Variants in ANKAR observed in about 807,000 individuals in gnomAD.
The protein encoded by ANKAR is ankyrin and armadillo repeat-containing protein.
In ANKAR, 136 loss-of-function variants were observed where a neutral mutation model predicts 146.2. The observed-to-expected ratio is 0.93, with a 90% CI of 0.81 to 1.07. The LOEUF (loss-of-function observed/expected upper bound fraction) is 1.07. ANKAR is among the 50% of genes least tolerant of loss of function. The probability of loss-of-function intolerance (pLI) is 0.00; values close to 1 mark genes in which losing one functional copy is unlikely to be tolerated. For missense variants in ANKAR, 1,567 were observed against 1,679.9 expected (o/e 0.93, Z 1.18); for synonymous variants, 500 against 575.8 (o/e 0.87, Z 1.88).
intron 22 of ANKAR, among the ~76,000 whole-genome samples, chr2:189,746,070 A>G (rs2254144): frequency 0.98 from 149,457 of 152,292 alleles, 73,397 homozygotes; most frequent in East Asian, 1. Flanking sequence ...ATTTCATTCA[A>G]TATCAAGTCC....
At chr2:189,762,917 T>TC (rs557161688), downstream of ANKAR, 107 of 985,208 alleles carry the variant, frequency 1.1e-4, 1 homozygote, top group African/African-American at 1.7e-3. Flanking sequence ...CACCTGCATT[T>TC]CCCCCAGATT....
intron 2 of ANKAR, among the ~76,000 whole-genome samples, chr2:189,683,747 G>A (rs1157641084): frequency 2.0e-5 from 3 of 152,158 alleles, no homozygotes; most frequent in African/African-American, 7.2e-5. Context: ...CTCCTCTGTT[G>A]GCATGACTGG....
At position 189,694,986 on chromosome 2, in the gene ANKAR, A is replaced by G. The variant is rs115747871; in HGVS notation, c.1313A>G (p.Tyr438Cys). Reference sequence around the variant, plus strand: ...TTTTTCTTTATTTTTTATAGCTACTATGTGATCTATTTTGAACTAGAAACT... The same window carrying G: ...TTTTTCTTTATTTTTTATAGCTACTGTGTGATCTATTTTGAACTAGAAACT... ...PVMEFHGKSY[Y>C]VIYFELETFY... The change falls in exon 6 of 23, where the codon TAT (tyrosine) becomes TGT (cysteine). Residue 438 changes from tyrosine (Y) to cysteine (C), a missense_variant. Physicochemically the swap from Tyr to Cys is radical, Grantham distance 194. Coordinates refer to ENST00000684021, the MANE Select transcript of ANKAR (RefSeq NM_001378068.1). 1.3e-6 allele frequency: 2 copies of G among 1,500,868 alleles called. No homozygotes were observed. The highest frequency in any genetic ancestry group is 2.3e-5 in the East Asian group (1 of 43,846). The allele number at this position is 1,500,868 out of a possible 1,614,324, so 93.0% of individuals were successfully genotyped here.
Position 189,733,217 on chromosome 2 carries a change from C to A in ANKAR, c.3411C>A (p.His1137Gln). 1 of 1,604,056 alleles carries A rather than the reference C, an allele frequency of 6.2e-7. No homozygotes were observed. Among genetic ancestry groups the A allele is most frequent in the Non-Finnish European group, 8.5e-7 (1 of 1,176,198 alleles). ...ATGCTGATGTCCTTTATCTTCTTCA[C>A]TCAACAGAAAAGGTAATACCTTTAC... ...FEYADVLYLL[H>Q]STEKDICLRA... is the part of the protein sequence containing the mutation. The change falls in exon 17 of 23, where the codon CAC becomes CAA. Residue 1137 changes from histidine to glutamine, a missense_variant. By Grantham distance (24) the His-to-Gln change is conservative. Coordinates refer to ENST00000684021, the MANE Select transcript of ANKAR (RefSeq NM_001378068.1).
At position 189,728,385 on chromosome 2, in the gene ANKAR, T is replaced by C. The variant is rs142929958; in HGVS notation, c.2996T>C (p.Met999Thr). 12 of 1,605,630 alleles carry C rather than the reference T, an allele frequency of 7.5e-6. No individual in the cohort carries two copies. The highest frequency in any genetic ancestry group is 2.2e-5 in the East Asian group (1 of 44,844). ...ATTGGATACAGCTTTATAATAAATA[T>C]GCTTTTGTCACCATCAGCTAAAATG... ...EQIGYSFIIN[M>T]LLSPSAKMQY... The change falls in exon 14 of 23, where the codon ATG becomes ACG. Residue 999 changes from methionine to threonine, a missense_variant. Coordinates refer to ENST00000684021, the MANE Select transcript of ANKAR (RefSeq NM_001378068.1).
chr2:189,753,552 G>A (rs2045621079), intron 18 of ANKAR, among the ~76,000 whole-genome samples: 2 of 151,884 alleles, frequency 1.3e-5, no homozygotes, highest in Admixed American at 1.3e-4. Flanking sequence ...AAATTTGACT[G>A]GCTTATTAAA....
At chr2:189,733,031 A>G in intron 16 of ANKAR, 76 bp from the exon 17 acceptor site, 5 of 1,405,264 alleles carry the variant, frequency 3.6e-6, no homozygotes, top group Non-Finnish European at 4.8e-6. Flanking sequence ...TGTATTCTAT[A>G]TAAATGCCTG....
intron 18 of ANKAR, chr2:189,755,548 A>G: frequency 6.3e-7 from 1 of 1,592,298 alleles, no homozygotes; most frequent in South Asian, 1.2e-5. Context: ...CTGGAGGAAC[A>G]ATCCCACCTG....
Position 189,720,691 on chromosome 2 carries a change from A to G in ANKAR, c.2539A>G (p.Ile847Val), listed in dbSNP as rs2041138113. ...TGTGCTAGTAAATGTAATGAACTGT[A>G]TACGGGTATTGTGTATAGGAAATGA... The part of the protein sequence containing the change: ...ENVLVNVMNC[I>V]RVLCIGNENN... Residue 847 changes from isoleucine to valine, a missense_variant, in exon 12 of 23, where the codon ATA becomes GTA. Transcript: ENST00000684021. 6.6e-7 allele frequency: 1 copy of G among 1,507,150 alleles called. No individual in the cohort carries two copies. The highest frequency in any genetic ancestry group is 8.9e-7 in the Non-Finnish European group (1 of 1,129,808). 93.4% of individuals were successfully genotyped at this position (1,507,150 alleles called of 1,614,324 possible). A position where few individuals can be genotyped will look rare whatever the true frequency, so the allele number is the denominator to read the frequency against.
At chr2:189,763,049 T>C (rs2047352261), downstream of ANKAR, 2 of 983,964 alleles carry the variant, frequency 2.0e-6, no homozygotes, top group African/African-American at 1.8e-5. Flanking sequence ...AAAAAGAAAT[T>C]TTTTTTTTGC....
In ANKAR at chr2:189,695,191, A is replaced by G. The variant is rs995129929; in HGVS notation, c.1488+30A>G. On this transcript the variant is annotated intron_variant, in intron 6 of 22. Transcript: ENST00000684021. ...TTCAGTGACTACCACATAATTTAGT[A>G]TATGAAGTTATGTATTATTGATAAG... 3.3e-6 allele frequency: 5 copies of G among 1,516,660 alleles called. No homozygotes were observed. The African/African-American group carries it at 4.1e-5, about 13-fold the overall frequency. The allele number at this position is 1,516,660 out of a possible 1,614,324, so 94.0% of individuals were successfully genotyped here.
At chr2:189,759,541 C>T (rs975503168) in intron 18 of ANKAR, among the ~76,000 whole-genome samples, 2 of 152,148 alleles carry the variant, frequency 1.3e-5, no homozygotes, top group African/African-American at 2.4e-5. Flanking sequence ...TGAGCCACAG[C>T]GCCCAGCCAA....
downstream of ANKAR, among the ~76,000 whole-genome samples, chr2:189,762,014 A>G (rs547620935): frequency 6.6e-6 from 1 of 152,208 alleles, no homozygotes; most frequent in Non-Finnish European, 1.5e-5. Context: ...GATTTTCTAA[A>G]AAGAATCAAA....
chr2:189,693,200 T>G (rs1459117535), intron 5 of ANKAR, 23 bp downstream of exon 5: 1 of 1,422,422 alleles, frequency 7.0e-7, no homozygotes, highest in African/African-American at 1.5e-5. Flanking sequence ...CACTAATTAC[T>G]GACATTAACT....
At chr2:189,750,603 A>C, downstream of ANKAR, 1 of 1,589,322 alleles carries the variant, frequency 6.3e-7, no homozygotes, top group Non-Finnish European at 8.6e-7. Context: ...TAATTGTGGT[A>C]CTTTTATGGA....
In ANKAR at chr2:189,746,470, TCAAAG is replaced by T. The variant is rs1437365718; in HGVS notation, c.4152_4156del (p.Lys1384AsnfsTer9). On this transcript the variant is annotated frameshift_variant, in exon 23 of 23. Coordinates refer to ENST00000684021, the MANE Select transcript of ANKAR (RefSeq NM_001378068.1). LOFTEE classifies it high-confidence loss of function. ...CCTGTAACTAACTTCATGGGACTCT[TCAAAG>T]CAACAAAAAAGACCAAGGATTCCCA... The T allele has an allele frequency of 6.2e-7, 1 of 1,613,786 alleles. No individual in the cohort carries two copies. Among genetic ancestry groups the T allele is most frequent in the Non-Finnish European group, 8.5e-7 (1 of 1,179,890 alleles).
At chr2:189,755,594 A>G in intron 18 of ANKAR, 1 of 1,566,858 alleles carries the variant, frequency 6.4e-7, no homozygotes, top group Admixed American at 2.3e-5. Flanking sequence ...TTGTAGTTTT[A>G]AGATTGTAAA....
chr2:189,746,567 G>A lies in ANKAR; in HGVS notation c.4245G>A (p.Val1415=), dbSNP rs1245816687. The part of the protein sequence containing the change: ...DITNVSRPRI[V]CLNQLGKHVQ... The stretch of plus-strand genomic sequence containing the variant: ...CAAATGTATCAAGACCAAGAATAGT[G>A]TGTTTGAACCAACTTGGGAAACATG... Residue 1415 remains valine (V), a synonymous_variant, in exon 23 of 23, where the codon GTG becomes GTA. Transcript: ENST00000684021. The A allele has an allele frequency of 6.2e-7, 1 of 1,613,570 alleles. No homozygotes were observed. Among genetic ancestry groups the A allele is most frequent in the East Asian group, 2.2e-5 (1 of 44,838 alleles).
In ANKAR at chr2:189,743,491, G is replaced by A. The variant is rs751380039; in HGVS notation, c.4010+17G>A. ...TTCCTTAAGGTATGGTCCTATGTTA[G>A]AAGTTGCAGTAGTGAAATCATCGAT... On this transcript the variant is annotated intron_variant, in intron 21 of 22. Transcript: ENST00000684021. 3 of 1,604,426 alleles carry A rather than the reference G, an allele frequency of 1.9e-6. No homozygotes were observed. The highest frequency in any genetic ancestry group is 1.1e-5 in the South Asian group (1 of 90,436).
Sources: allele counts gnomAD v4.1 joint callset (sites outside exome capture counted in the v4.1 genomes callset), GRCh38; gene constraint gnomAD v4.1.1; transcripts MANE v1.5; gene names NCBI Gene and HGNC (gene_info 2026-07-23, HGNC 2026-07-21).